Variants in PPFIA2 observed in about 807,000 individuals in gnomAD.
PPFIA2 encodes PPFI scaffold protein A2.
Under a neutral mutation model 175.5 loss-of-function variants are expected in PPFIA2, and 46 were observed. That is an observed-to-expected ratio of 0.26 (90% CI 0.21 to 0.34). The LOEUF (loss-of-function observed/expected upper bound fraction) is 0.34. Among genes scored for constraint, PPFIA2 ranks in the 10% least tolerant of loss-of-function variants. The pLI is 1.00. For synonymous variants in PPFIA2, 568 were observed against 511.4 expected (o/e 1.11, Z -1.49); for missense variants, 1,179 against 1,506.1 (o/e 0.78, Z 3.60).
intron 4 of PPFIA2, among the ~76,000 whole-genome samples, chr12:81,639,499 C>G (rs2064640828): frequency 6.6e-6 from 1 of 151,738 alleles, no homozygotes; most frequent in African/African-American, 2.4e-5. Context: ...CACACACATT[C>G]TTTTTAACCA....
At chr12:81,272,193 C>T (rs4842388) in intron 28 of PPFIA2, among the ~76,000 whole-genome samples, 104,837 of 151,938 alleles carry the variant, frequency 0.69, 36,622 homozygotes, top group Non-Finnish European at 0.76. Flanking sequence ...TGTGTTTAGA[C>T]GTGTTTTTAT....
chr12:81,731,820 C>A, intron 3 of PPFIA2, among the ~76,000 whole-genome samples: 1 of 151,464 alleles, frequency 6.6e-6, no homozygotes, highest in East Asian at 2.0e-4. Flanking sequence ...AATGGTGGTT[C>A]AGATTAAGTT....
chr12:81,474,225 C>A (rs527956525), intron 4 of PPFIA2, among the ~76,000 whole-genome samples: 1 of 152,156 alleles, frequency 6.6e-6, no homozygotes, highest in Non-Finnish European at 1.5e-5. Context: ...GGTGCTCTCT[C>A]GGCTCACTGC....
At chr12:81,531,284 C>T (rs1315042658) in intron 4 of PPFIA2, among the ~76,000 whole-genome samples, 11 of 151,720 alleles carry the variant, frequency 7.3e-5, no homozygotes, top group African/African-American at 2.4e-5. Context: ...ACTACATATT[C>T]GAGATGAATG....
chr12:81,288,843 T>C (rs1354323944), intron 24 of PPFIA2, among the ~76,000 whole-genome samples: 1 of 151,752 alleles, frequency 6.6e-6, no homozygotes, highest in Non-Finnish European at 1.5e-5. Context: ...CACTCTCTTT[T>C]CAATAAAGGT....
intron 4 of PPFIA2, among the ~76,000 whole-genome samples, chr12:81,665,232 CTT>C (rs1265145339): frequency 2.0e-5 from 3 of 151,970 alleles, no homozygotes; most frequent in Non-Finnish European, 4.4e-5. Context: ...AAGGAAGACT[CTT>C]TTTCTAACCC....
chr12:81,721,715 C>T (rs546534415), intron 3 of PPFIA2, among the ~76,000 whole-genome samples: 2 of 151,110 alleles, frequency 1.3e-5, no homozygotes, highest in Non-Finnish European at 3.0e-5. Flanking sequence ...GCAACTCAAC[C>T]TTTTTTGTCA....
chr12:81,665,592 T>C (rs186694420), intron 4 of PPFIA2, among the ~76,000 whole-genome samples: 5 of 152,030 alleles, frequency 3.3e-5, no homozygotes, highest in Admixed American at 6.6e-5. Context: ...GCAGTTACAG[T>C]GGTAAACATT....
chr12:81,686,630 A>G (rs1340206015), intron 3 of PPFIA2, among the ~76,000 whole-genome samples: 1 of 152,042 alleles, frequency 6.6e-6, no homozygotes, highest in African/African-American at 2.4e-5. Context: ...CAAATAAGAC[A>G]TCATCTTCTT....
intron 7 of PPFIA2, among the ~76,000 whole-genome samples, chr12:81,435,878 A>G (rs1300987527): frequency 6.6e-6 from 1 of 152,150 alleles, no homozygotes; most frequent in Non-Finnish European, 1.5e-5. Context: ...CAAGCAGATT[A>G]TCATAATATA....
intron 16 of PPFIA2, 43 bp downstream of exon 16, chr12:81,358,039 T>G: frequency 1.4e-6 from 2 of 1,480,332 alleles, no homozygotes; most frequent in East Asian, 4.9e-5. Context: ...TGAAACTATG[T>G]ATTTAAATAA....
At chr12:81,348,348 C>T (rs949940150) in intron 17 of PPFIA2, among the ~76,000 whole-genome samples, 4 of 152,030 alleles carry the variant, frequency 2.6e-5, no homozygotes, top group African/African-American at 7.2e-5. Flanking sequence ...AATACTTAGC[C>T]AAGCCTCCTT....
chr12:81,640,502 AC>A (rs1237758702), intron 4 of PPFIA2, among the ~76,000 whole-genome samples: 3 of 152,070 alleles, frequency 2.0e-5, no homozygotes, highest in Non-Finnish European at 4.4e-5. Flanking sequence ...CCTTGCACAG[AC>A]TTTTGCTCCA....
chr12:81,727,810 T>C (rs1330865369), intron 3 of PPFIA2, among the ~76,000 whole-genome samples: 3 of 151,382 alleles, frequency 2.0e-5, no homozygotes, highest in African/African-American at 4.8e-5. Context: ...GAAAAATCAA[T>C]TTAGGCTTAG....
chr12:81,399,526 C>T (rs2041775557), intron 8 of PPFIA2, among the ~76,000 whole-genome samples: 1 of 152,032 alleles, frequency 6.6e-6, no homozygotes, highest in Non-Finnish European at 1.5e-5. Context: ...TAGAAGATTC[C>T]AGACCTTTCG....
chr12:81,649,299 C>A (rs1368671366), intron 4 of PPFIA2, among the ~76,000 whole-genome samples: 1 of 151,964 alleles, frequency 6.6e-6, no homozygotes, highest in Admixed American at 6.6e-5. Context: ...ATATAGACAG[C>A]CAATAAATGC....
At chr12:81,364,029 ATGT>A (rs2032126782) in intron 14 of PPFIA2, among the ~76,000 whole-genome samples, 1 of 151,910 alleles carries the variant, frequency 6.6e-6, no homozygotes, top group African/African-American at 2.4e-5. Context: ...GAAATATAGC[ATGT>A]TGTTAGAAAG....
At chr12:81,648,196 A>G (rs955703437) in intron 4 of PPFIA2, among the ~76,000 whole-genome samples, 8 of 151,806 alleles carry the variant, frequency 5.3e-5, no homozygotes. Flanking sequence ...AAAGCAAGAA[A>G]GACAAATTAA....
chr12:81,728,442 G>A (rs2080389684), intron 3 of PPFIA2, among the ~76,000 whole-genome samples: 2 of 151,370 alleles, frequency 1.3e-5, no homozygotes, highest in South Asian at 4.1e-4. Context: ...TATGTTTCCA[G>A]GTTTTCTGTT....
Sources: gnomAD v4.1 joint callset for allele counts (sites outside exome capture counted in the v4.1 genomes callset) on GRCh38, gnomAD v4.1.1 for gene constraint, MANE v1.5 for transcripts, NCBI Gene and HGNC (gene_info 2026-07-23, HGNC 2026-07-21) for gene names.